Variants in TAFA4 observed in about 807,000 individuals in gnomAD.
TAFA4 encodes the protein TAFA chemokine like family member 4, also known as chemokine-like protein TAFA-4.
In TAFA4, 20 loss-of-function variants were observed where a neutral mutation model predicts 21.1. That is an observed-to-expected ratio of 0.95 (90% CI 0.67 to 1.38). The LOEUF is 1.38. TAFA4 is among the 40% of genes most tolerant of loss of function. TAFA4 has a pLI of 0.00. For synonymous variants in TAFA4, 71 were observed against 67.4 expected, an observed-to-expected ratio of 1.05 and a Z score of -0.26; for missense variants, 211 against 180.9, an observed-to-expected ratio of 1.17 and a Z score of -0.95.
At chr3:68,864,209 G>A (rs2089387766) in intron 3 of TAFA4, among the ~76,000 whole-genome samples, 1 of 151,950 alleles carries the variant, frequency 6.6e-6, no homozygotes, top group Non-Finnish European at 1.5e-5. Flanking sequence ...ATTTGATAAA[G>A]GAATTATATC....
intron 1 of TAFA4, among the ~76,000 whole-genome samples, chr3:68,931,212 G>A (rs953089060): frequency 6.6e-6 from 1 of 152,130 alleles, no homozygotes; most frequent in African/African-American, 2.4e-5. Context: ...TTGTCTCAGA[G>A]GGAAGACCAT....
At chr3:68,737,066 A>C (rs1394255) in intron 5 of TAFA4, among the ~76,000 whole-genome samples, 5 of 151,976 alleles carry the variant, frequency 3.3e-5, no homozygotes, top group Admixed American at 6.6e-5. Flanking sequence ...CATAAATAGA[A>C]AGCCGTTCTA....
At chr3:68,907,136 G>T (rs1185349862) in intron 1 of TAFA4, among the ~76,000 whole-genome samples, 2 of 151,454 alleles carry the variant, frequency 1.3e-5, no homozygotes, top group Non-Finnish European at 2.9e-5. Flanking sequence ...TCATGAAAAG[G>T]TTTCAATAAC....
At chr3:68,816,888 A>C (rs6549146) in intron 3 of TAFA4, among the ~76,000 whole-genome samples, 102,347 of 152,100 alleles carry the variant, frequency 0.67, 34,911 homozygotes, top group East Asian at 0.98. Context: ...TGCTAACAAT[A>C]ATTTGAGCCT....
intron 1 of TAFA4, among the ~76,000 whole-genome samples, chr3:68,929,250 G>C (rs2090137901): frequency 6.6e-6 from 1 of 152,184 alleles, no homozygotes; most frequent in Non-Finnish European, 1.5e-5. Context: ...TCTAGGTTCT[G>C]ACATGGCTTT....
At chr3:68,786,760 G>A (rs1206662338) in intron 3 of TAFA4, among the ~76,000 whole-genome samples, 1 of 152,154 alleles carries the variant, frequency 6.6e-6, no homozygotes, top group Non-Finnish European at 1.5e-5. Context: ...CTGCATATAA[G>A]TTAGGTATTA....
intron 4 of TAFA4, among the ~76,000 whole-genome samples, chr3:68,752,533 G>A (rs920966924): frequency 2.0e-5 from 3 of 152,188 alleles, no homozygotes; most frequent in Non-Finnish European, 4.4e-5. Flanking sequence ...ATTTTGAGTA[G>A]AGAGCATAAG....
intron 1 of TAFA4, among the ~76,000 whole-genome samples, chr3:68,889,438 G>A (rs544587102): frequency 9.2e-5 from 14 of 152,264 alleles, no homozygotes; most frequent in East Asian, 7.7e-4. Context: ...TGCCTTCCTC[G>A]TCTGTTGATC....
chr3:68,758,065 A>G (rs1292247881), intron 3 of TAFA4, among the ~76,000 whole-genome samples: 1 of 152,210 alleles, frequency 6.6e-6, no homozygotes, highest in African/African-American at 2.4e-5. Flanking sequence ...AGAGATTGAG[A>G]AGAGGTGAGA....
At chr3:68,825,908 A>T (rs1048095982) in intron 3 of TAFA4, among the ~76,000 whole-genome samples, 2 of 152,210 alleles carry the variant, frequency 1.3e-5, no homozygotes, top group African/African-American at 4.8e-5. Context: ...AACATGATTC[A>T]GGCAGAGAGC....
chr3:68,734,182 T>G (rs1156285900), intron 5 of TAFA4, among the ~76,000 whole-genome samples: 4 of 152,198 alleles, frequency 2.6e-5, no homozygotes, highest in Non-Finnish European at 5.9e-5. Flanking sequence ...CTGAATTTCA[T>G]ATAATCTTCA....
intron 3 of TAFA4, among the ~76,000 whole-genome samples, chr3:68,803,435 T>G (rs1211563634): frequency 2.0e-5 from 3 of 152,094 alleles, no homozygotes; most frequent in Admixed American, 1.3e-4. Context: ...TATTCCCAGT[T>G]GCTGTGTTTA....
At chr3:68,883,091 C>T (rs2089635357) in intron 2 of TAFA4, 1 of 152,256 alleles carries the variant, frequency 6.6e-6, no homozygotes, top group Non-Finnish European at 1.5e-5. Context: ...TTCTGTAAGT[C>T]AGGAGTCTGG....
intron 3 of TAFA4, among the ~76,000 whole-genome samples, chr3:68,874,483 G>A (rs538370252): frequency 8.6e-5 from 13 of 152,006 alleles, no homozygotes; most frequent in East Asian, 7.7e-4. Context: ...CAATTTCCTC[G>A]TATAGCACTG....
chr3:68,810,104 T>G (rs1181447822), intron 3 of TAFA4, among the ~76,000 whole-genome samples: 2 of 152,208 alleles, frequency 1.3e-5, no homozygotes, highest in Non-Finnish European at 2.9e-5. Flanking sequence ...TTCCTACCTC[T>G]ATAAAAAATG....
chr3:68,916,099 CTGTTTAAGAAA>C lies in TAFA4; in HGVS notation c.-123+16130_-123+16140del, dbSNP rs1294354774. On this transcript the variant is annotated intron_variant, in intron 1 of 5. Transcript: ENST00000295569. Reference sequence around the variant, plus strand: ...GTGAGAAATTCTTTCTTGTGGAATGCTGTTTAAGAAATGTTGTGAGGTTCCCACTGACTCCA... The same window carrying C: ...GTGAGAAATTCTTTCTTGTGGAATGCTGTTGTGAGGTTCCCACTGACTCCA... 7.9e-5 allele frequency: 12 copies of C among 152,322 alleles called. No homozygotes were observed. In the East Asian group the frequency reaches 2.3e-3, roughly 29 times the overall value. The allele number at this position is 152,322 out of a possible 1,614,324, so 9.4% of individuals were successfully genotyped here.
chr3:68,796,911 G>A (rs1356614809), intron 3 of TAFA4, among the ~76,000 whole-genome samples: 1 of 152,154 alleles, frequency 6.6e-6, no homozygotes, highest in African/African-American at 2.4e-5. Flanking sequence ...CAAGGGAAAT[G>A]CAAGGCAATA....
At chr3:68,826,842 G>C (rs1704250570) in intron 3 of TAFA4, among the ~76,000 whole-genome samples, 1 of 152,016 alleles carries the variant, frequency 6.6e-6, no homozygotes, top group African/African-American at 2.4e-5. Flanking sequence ...ATAACAATCA[G>C]ATATGAGAAG....
intron 1 of TAFA4, among the ~76,000 whole-genome samples, chr3:68,903,363 T>C (rs1297880425): frequency 6.6e-6 from 1 of 152,208 alleles, no homozygotes; most frequent in Admixed American, 6.5e-5. Flanking sequence ...GTTCCTTCAA[T>C]TATAAACGTC....
Sources: allele counts gnomAD v4.1 joint callset (sites outside exome capture counted in the v4.1 genomes callset), GRCh38; gene constraint gnomAD v4.1.1; transcripts MANE v1.5; gene names NCBI Gene and HGNC (gene_info 2026-07-23, HGNC 2026-07-21).